CORIN: variants seen among roughly 807,000 people sequenced by gnomAD.
CORIN encodes corin, serine peptidase, also known as atrial natriuretic peptide-converting enzyme.
In CORIN, 117 loss-of-function variants were observed where a neutral mutation model predicts 125.3. That is an observed-to-expected ratio of 0.93 (90% CI 0.80 to 1.09). The LOEUF is 1.09. CORIN is among the 50% of genes least tolerant of loss of function. The probability of loss-of-function intolerance (pLI) is 0.00; values close to 1 mark genes in which losing one functional copy is unlikely to be tolerated. For missense variants in CORIN, 1,253 were observed against 1,306.7 expected (o/e 0.96, Z 0.63); for synonymous variants, 450 against 466.4 (o/e 0.96, Z 0.45).
chr4:47,701,593 T>C (rs1410405067), intron 5 of CORIN, among the ~76,000 whole-genome samples: 1 of 152,182 alleles, frequency 6.6e-6, no homozygotes, highest in African/African-American at 2.4e-5. Context: ...AAATAGAATT[T>C]AGAAAGCATT....
chr4:47,763,676 A>AAGTATAAAATAAG, intron 3 of CORIN, 90 bp from the exon 4 acceptor site: 1 of 1,187,676 alleles, frequency 8.4e-7, no homozygotes, highest in Non-Finnish European at 1.2e-6. Flanking sequence ...AAGATAAAGT[A>AAGTATAAAATAAG]TACTTATCAC....
intron 7 of CORIN, chr4:47,680,573 T>C (rs1479547371): frequency 4.1e-6 from 1 of 245,334 alleles, no homozygotes; most frequent in African/African-American, 2.3e-5. Flanking sequence ...GAAAAATTTA[T>C]GATTTCTACC....
intron 4 of CORIN, among the ~76,000 whole-genome samples, chr4:47,761,360 A>T (rs1167762761): frequency 6.6e-6 from 1 of 152,158 alleles, no homozygotes; most frequent in Non-Finnish European, 1.5e-5. Flanking sequence ...TAATTTGAAT[A>T]TTACTGTGTC....
Position 47,663,203 on chromosome 4 carries a change from A to T in CORIN, c.1590-1347T>A, listed in dbSNP as rs1434740508. ...TCTTATCATAGTCCTTGTAGTGTTC[A>T]GCCATAGGTAGCACCTCTGATGATA... On this transcript the variant is annotated intron_variant, in intron 11 of 21. Coordinates refer to ENST00000273857, the MANE Select transcript of CORIN (RefSeq NM_006587.4). Among the ~76,000 whole-genome samples the T allele has an allele frequency of 2.0e-5, 3 of 152,150 alleles. No homozygotes were observed. The East Asian group carries it at 5.8e-4, about 29-fold the overall frequency.
intron 5 of CORIN, among the ~76,000 whole-genome samples, chr4:47,718,723 A>G (rs1373938021): frequency 1.3e-5 from 2 of 152,192 alleles, no homozygotes; most frequent in African/African-American, 4.8e-5. Context: ...CCAATTCTGA[A>G]TTCAACAGGT....
At chr4:47,780,426 GAA>G (rs1411905940) in intron 3 of CORIN, among the ~76,000 whole-genome samples, 1 of 151,812 alleles carries the variant, frequency 6.6e-6, no homozygotes, top group African/African-American at 2.4e-5. Flanking sequence ...ATATAAAAGA[GAA>G]AAATCAATTC....
intron 1 of CORIN, among the ~76,000 whole-genome samples, chr4:47,808,063 C>T (rs974184330): frequency 6.6e-6 from 1 of 152,150 alleles, no homozygotes; most frequent in African/African-American, 2.4e-5. Context: ...TGGGTAGCAG[C>T]GTCTCTTTTT....
chr4:47,752,919 T>G (rs1268787633), intron 4 of CORIN, among the ~76,000 whole-genome samples: 2 of 151,968 alleles, frequency 1.3e-5, no homozygotes, highest in East Asian at 1.9e-4. Context: ...TTTTTACACA[T>G]TATAAAAGGA....
intron 1 of CORIN, among the ~76,000 whole-genome samples, chr4:47,814,586 C>T (rs1226596847): frequency 6.6e-6 from 1 of 152,128 alleles, no homozygotes; most frequent in African/African-American, 2.4e-5. Context: ...AGTTCTCAAG[C>T]CAGGCATCTG....
intron 6 of CORIN, among the ~76,000 whole-genome samples, chr4:47,685,591 T>C (rs1299088320): frequency 2.6e-5 from 4 of 152,274 alleles, no homozygotes; most frequent in African/African-American, 9.6e-5. Flanking sequence ...GTGCGGTTAG[T>C]CGCATAACTC....
chr4:47,660,669 G>C (rs1446549975), intron 12 of CORIN, among the ~76,000 whole-genome samples: 1 of 152,110 alleles, frequency 6.6e-6, no homozygotes, highest in African/African-American at 2.4e-5. Context: ...CCAAAAGACA[G>C]ACAATAACAA....
At chr4:47,783,870 T>C (rs1386726370) in intron 3 of CORIN, among the ~76,000 whole-genome samples, 1 of 152,062 alleles carries the variant, frequency 6.6e-6, no homozygotes, top group Admixed American at 6.5e-5. Context: ...TATACAGCAA[T>C]AAAAACAACA....
At chr4:47,823,024 A>T (rs1046217903) in intron 1 of CORIN, among the ~76,000 whole-genome samples, 1 of 152,262 alleles carries the variant, frequency 6.6e-6, no homozygotes, top group African/African-American at 2.4e-5. Flanking sequence ...CATATTGGCC[A>T]GGATGGTCTC....
chr4:47,776,451 C>T lies in CORIN; in HGVS notation c.409+10274G>A, dbSNP rs139990552. Among the ~76,000 whole-genome samples, 277 of 152,210 alleles carry T rather than the reference C, an allele frequency of 1.8e-3. 1 individual carries two copies. The highest frequency in any genetic ancestry group is 6.0e-3 in the African/African-American group (251 of 41,504). ...CTCCATTTCTTTCCCACAGCAACCT[C>T]CCATATTATTCATTTAAAAAAATTT... On this transcript the variant is annotated intron_variant, in intron 3 of 21. Transcript: ENST00000273857.
chr4:47,790,971 C>T (rs1041675154), intron 2 of CORIN, among the ~76,000 whole-genome samples: 1 of 152,168 alleles, frequency 6.6e-6, no homozygotes, highest in African/African-American at 2.4e-5. Flanking sequence ...AATAGTCAAA[C>T]TTTACTGATT....
At chr4:47,689,375 G>A (rs1312459132) in intron 6 of CORIN, among the ~76,000 whole-genome samples, 2 of 152,110 alleles carry the variant, frequency 1.3e-5, no homozygotes, top group Non-Finnish European at 2.9e-5. Flanking sequence ...ACTTGCCTAA[G>A]TTATCAGAGG....
chr4:47,777,294 CA>C (rs1328422220), intron 3 of CORIN, among the ~76,000 whole-genome samples: 2 of 152,194 alleles, frequency 1.3e-5, no homozygotes, highest in African/African-American at 4.8e-5. Context: ...TGGGTTTACA[CA>C]GCTTAATATA....
intron 13 of CORIN, among the ~76,000 whole-genome samples, chr4:47,651,194 A>G (rs1018756850): frequency 6.6e-6 from 1 of 152,270 alleles, no homozygotes; most frequent in Admixed American, 6.5e-5. Context: ...TAACCTTGTT[A>G]GAAATTCTGA....
intron 2 of CORIN, among the ~76,000 whole-genome samples, chr4:47,791,276 T>C (rs1191141699): frequency 2.6e-5 from 4 of 151,984 alleles, no homozygotes; most frequent in Admixed American, 1.3e-4. Context: ...GTTTTGAAGA[T>C]GGAAAGAGCC....
Sources: allele counts gnomAD v4.1 joint callset (sites outside exome capture counted in the v4.1 genomes callset), GRCh38; gene constraint gnomAD v4.1.1; transcripts MANE v1.5; gene names NCBI Gene and HGNC (gene_info 2026-07-23, HGNC 2026-07-21).